The following RREB1 variants were observed in gnomAD, a reference collection of about 807,000 sequenced individuals.
The protein encoded by RREB1 is ras responsive element binding protein 1.
RREB1 carries 27 observed loss-of-function variants against 117.8 expected under a neutral mutation model. The observed-to-expected ratio is 0.23, with a 90% CI of 0.17 to 0.32. The LOEUF (loss-of-function observed/expected upper bound fraction) is 0.32, where lower values mean the gene tolerates loss of function less well. Among genes scored for constraint, RREB1 ranks in the 10% least tolerant of loss-of-function variants. The pLI, the probability that RREB1 is intolerant of heterozygous loss-of-function variation, is 1.00. For synonymous variants in RREB1, 1,298 were observed against 1,026.7 expected (o/e 1.26, Z -5.05); for missense variants, 2,577 against 2,378.2 (o/e 1.08, Z -1.74).
At chr6:7,110,898 T>G (rs776416618) in intron 1 of RREB1, among the ~76,000 whole-genome samples, 3 of 152,136 alleles carry the variant, frequency 2.0e-5, no homozygotes, top group South Asian at 2.1e-4. Flanking sequence ...TTATTTCTCA[T>G]CAGAAAATCA....
chr6:7,117,769 A>G (rs1173813433), intron 1 of RREB1, among the ~76,000 whole-genome samples: 2 of 152,112 alleles, frequency 1.3e-5, no homozygotes, highest in Non-Finnish European at 2.9e-5. Flanking sequence ...GGGTCTCTCT[A>G]TGTTGCTCAT....
intron 1 of RREB1, among the ~76,000 whole-genome samples, chr6:7,156,937 A>G (rs956494292): frequency 1.3e-5 from 2 of 152,172 alleles, no homozygotes; most frequent in Non-Finnish European, 2.9e-5. Flanking sequence ...TAAATGCCAA[A>G]GCTGACCAAG....
At chr6:7,177,134 G>A (rs1262313341) in intron 2 of RREB1, among the ~76,000 whole-genome samples, 4 of 148,980 alleles carry the variant, frequency 2.7e-5, no homozygotes, top group African/African-American at 7.5e-5. Flanking sequence ...CACGAGAATC[G>A]CTTGAACCTG....
At chr6:7,141,213 T>C (rs946966407) in intron 1 of RREB1, among the ~76,000 whole-genome samples, 2 of 151,056 alleles carry the variant, frequency 1.3e-5, no homozygotes, top group African/African-American at 4.9e-5. Flanking sequence ...GGGCGCCGAT[T>C]GGCTGGCGGG....
rs1238648195 is a variant in RREB1, at chr6:7,230,144, A to C, written c.2045A>C (p.Asp682Ala). The change falls in exon 10 of 13, where the codon GAC becomes GCC. Residue 682 changes from aspartate to alanine, a missense_variant. Physicochemically the swap from Asp to Ala is moderately radical, Grantham distance 126. Coordinates refer to ENST00000379938, the MANE Select transcript of RREB1 (RefSeq NM_001003699.4). ...AACATCTGCGACTACATCGCCGCCG[A>C]CAAGGCCGCGCTCATCCGCCACCTG... Reference protein sequence around the residue: ...QCNICDYIAADKAALIRHLRT... With the variant: ...QCNICDYIAAAKAALIRHLRT... 8 of 1,605,270 alleles carry C rather than the reference A, an allele frequency of 5.0e-6. No homozygotes were observed. Among genetic ancestry groups the C allele is most frequent in the African/African-American group, 1.3e-5 (1 of 74,882 alleles).
chr6:7,144,000 G>A (rs1762749332), intron 1 of RREB1, among the ~76,000 whole-genome samples: 1 of 151,760 alleles, frequency 6.6e-6, no homozygotes. Flanking sequence ...TTGGTCTAGG[G>A]ATCCTGAATA....
At chr6:7,126,274 A>C (rs2113335967) in intron 1 of RREB1, among the ~76,000 whole-genome samples, 1 of 151,970 alleles carries the variant, frequency 6.6e-6, no homozygotes, top group East Asian at 1.9e-4. Context: ...TGCTGGGATT[A>C]CAGGCGTGAG....
chr6:7,209,128 G>A (rs1766437607), intron 6 of RREB1, among the ~76,000 whole-genome samples: 1 of 152,124 alleles, frequency 6.6e-6, no homozygotes, highest in South Asian at 2.1e-4. Flanking sequence ...TTACCATTTT[G>A]TATTTCTATA....
At chr6:7,142,613 G>C (rs979764057) in intron 1 of RREB1, among the ~76,000 whole-genome samples, 4 of 152,240 alleles carry the variant, frequency 2.6e-5, no homozygotes, top group Non-Finnish European at 5.9e-5. Context: ...CCCCCAGCAG[G>C]CCCGCTTCAT....
intron 6 of RREB1, among the ~76,000 whole-genome samples, chr6:7,202,783 G>C (rs1435122691): frequency 6.6e-6 from 1 of 152,172 alleles, no homozygotes; most frequent in Non-Finnish European, 1.5e-5. Context: ...TGGGAAATGA[G>C]AGCCTTCCAC....
intron 1 of RREB1, among the ~76,000 whole-genome samples, chr6:7,150,123 T>C (rs1220394857): frequency 6.6e-6 from 1 of 152,156 alleles, no homozygotes; most frequent in Non-Finnish European, 1.5e-5. Flanking sequence ...TTGGCCTTGT[T>C]ATATATTAAT....
chr6:7,159,556 T>C (rs1667642009), intron 1 of RREB1, among the ~76,000 whole-genome samples: 1 of 152,226 alleles, frequency 6.6e-6, no homozygotes, highest in South Asian at 2.1e-4. Flanking sequence ...TTCACTGGGT[T>C]ATTGCCTTGT....
intron 1 of RREB1, among the ~76,000 whole-genome samples, chr6:7,116,950 G>A (rs1334733887): frequency 1.3e-5 from 2 of 152,152 alleles, no homozygotes; most frequent in Non-Finnish European, 2.9e-5. Context: ...GAGCTCCAAT[G>A]TGTGGGCCCA....
intron 4 of RREB1, among the ~76,000 whole-genome samples, chr6:7,186,756 GT>G (rs1268943066): frequency 6.6e-6 from 1 of 152,344 alleles, no homozygotes; most frequent in Admixed American, 6.5e-5. Context: ...TCACCAAGTA[GT>G]GAGCTGGTTC....
Position 7,246,586 on chromosome 6 carries a change from G to A in RREB1, c.4136G>A (p.Arg1379Gln), listed in dbSNP as rs1422129202. The change falls in exon 12 of 13, where the codon CGG (arginine) becomes CAG (glutamine). Residue 1379 changes from arginine to glutamine, a missense_variant. Coordinates refer to ENST00000379938, the MANE Select transcript of RREB1 (RefSeq NM_001003699.4). ...ATAETASPVH[R>Q]EEHGRGESHE... is the part of the protein sequence containing the mutation. The stretch of plus-strand genomic sequence containing the variant: ...GCGGAAACGGCCTCGCCGGTGCACC[G>A]GGAAGAGCACGGGCGTGGGGAGAGC... The A allele has an allele frequency of 1.9e-6, 3 of 1,554,050 alleles. No homozygotes were observed. The highest frequency in any genetic ancestry group is 1.2e-5 in the South Asian group (1 of 84,378).
chr6:7,214,733 A>G (rs552942917), intron 8 of RREB1: 2 of 152,410 alleles, frequency 1.3e-5, no homozygotes, highest in South Asian at 4.1e-4. Context: ...CCACAGTGGG[A>G]TGCTACCCGC....
At chr6:7,197,497 C>T (rs1765732015) in intron 6 of RREB1, among the ~76,000 whole-genome samples, 1 of 152,112 alleles carries the variant, frequency 6.6e-6, no homozygotes, top group South Asian at 2.1e-4. Context: ...ACAGCCTGGC[C>T]AACATGGCAA....
At chr6:7,178,979 C>T (rs1474127384) in intron 2 of RREB1, among the ~76,000 whole-genome samples, 1 of 152,134 alleles carries the variant, frequency 6.6e-6, no homozygotes, top group Non-Finnish European at 1.5e-5. Context: ...CTGACTGTTG[C>T]TAGGCTTTCT....
intron 1 of RREB1, among the ~76,000 whole-genome samples, chr6:7,123,874 GTACTGGGAT>G (rs1302906835): frequency 6.6e-6 from 1 of 152,032 alleles, no homozygotes. Context: ...GCCTCCCAAA[GTACTGGGAT>G]TACAGGTGTG....
Sources: gnomAD v4.1 joint callset for allele counts (sites outside exome capture counted in the v4.1 genomes callset) on GRCh38, gnomAD v4.1.1 for gene constraint, MANE v1.5 for transcripts, NCBI Gene and HGNC (gene_info 2026-07-23, HGNC 2026-07-21) for gene names.